ARMC2: variants seen among roughly 807,000 people sequenced by gnomAD.
The protein encoded by ARMC2 is armadillo repeat containing 2, also known as armadillo repeat-containing protein 2.
ARMC2 carries 67 observed loss-of-function variants against 90.3 expected under a neutral mutation model. The observed-to-expected ratio is 0.74, with a 90% confidence interval of 0.61 to 0.91. The LOEUF (loss-of-function observed/expected upper bound fraction) is 0.91. Ranked by LOEUF, ARMC2 falls within the 40% of genes least tolerant of loss-of-function variation. The pLI is 0.00. For missense variants in ARMC2, 920 were observed against 1,030.9 expected (o/e 0.89, Z 1.47); for synonymous variants, 393 against 393.0 (o/e 1.00, Z 0.00).
At chr6:108,864,429 A>G (rs1006837594) in intron 3 of ARMC2, among the ~76,000 whole-genome samples, 4 of 151,860 alleles carry the variant, frequency 2.6e-5, no homozygotes, top group Non-Finnish European at 4.4e-5. Flanking sequence ...TTATATTTTT[A>G]GTAGAGACGG....
chr6:108,931,041 AAG>A (rs1245697371), intron 11 of ARMC2, among the ~76,000 whole-genome samples: 2 of 151,522 alleles, frequency 1.3e-5, no homozygotes, highest in Non-Finnish European at 2.9e-5. Context: ...CAATAGTCAA[AAG>A]AGTTATCTTT....
chr6:108,995,023 A>G, the ARMC2 span, among the ~76,000 whole-genome samples: 4 of 152,186 alleles, frequency 2.6e-5, no homozygotes, highest in African/African-American at 9.7e-5. Flanking sequence ...ATCTTAGTAG[A>G]ATATAGGGAA....
In ARMC2 at chr6:108,894,487, C is replaced by T. The variant is rs200206972; in HGVS notation, c.692C>T (p.Ala231Val). 208 of 1,611,170 alleles carry T rather than the reference C, an allele frequency of 1.3e-4. 2 individuals are homozygous for T. The East Asian group carries it at 4.0e-3, about 31-fold the overall frequency. ...CCTAGGGACCAGGGGAAGAGACATG[C>T]GAGGGCCTCATCATGCCCCAGTAGC... ...KNGGDQGKRH[A>V]RASSCPSSSD... Residue 231 changes from alanine (A) to valine (V), a missense_variant, in exon 6 of 18, where the codon GCG (alanine) becomes GTG (valine). Physicochemically the swap from Ala to Val is moderately conservative, Grantham distance 64. Coordinates refer to ENST00000392644, the MANE Select transcript of ARMC2 (RefSeq NM_032131.6).
At chr6:108,864,744 G>A (rs1454510569) in intron 3 of ARMC2, among the ~76,000 whole-genome samples, 2 of 152,158 alleles carry the variant, frequency 1.3e-5, no homozygotes, top group Non-Finnish European at 2.9e-5. Context: ...AAGAGCCAGG[G>A]CAGAAATTGG....
chr6:109,008,908 A>G, the ARMC2 span: 1 of 987,236 alleles, frequency 1.0e-6, no homozygotes, highest in Non-Finnish European at 1.2e-6. Flanking sequence ...TTTAAGTAGG[A>G]GGCAAAGGGG....
chr6:108,965,708 G>A (rs373973659), intron 17 of ARMC2, among the ~76,000 whole-genome samples: 2 of 152,084 alleles, frequency 1.3e-5, no homozygotes, highest in East Asian at 1.9e-4. Context: ...ACAGTGGTGC[G>A]ATCACTGCTC....
rs575228434 is a variant in ARMC2, at chr6:108,944,382, G to A, written c.1596+7383G>A. On this transcript the variant is annotated intron_variant, in intron 12 of 17. Coordinates refer to ENST00000392644, the MANE Select transcript of ARMC2 (RefSeq NM_032131.6). The stretch of plus-strand genomic sequence containing the variant: ...TCCACAAATTTTCGCTGCCAGACTT[G>A]TGTCAAAATAAGTCCTGGGACCAAA... Among the ~76,000 whole-genome samples, 6 of 152,312 alleles carry A rather than the reference G, an allele frequency of 3.9e-5. No individual in the cohort carries two copies. In the South Asian group the frequency reaches 1.0e-3, roughly 26 times the overall value.
intron 3 of ARMC2, among the ~76,000 whole-genome samples, chr6:108,864,231 T>C (rs1223011771): frequency 6.8e-6 from 1 of 147,754 alleles, no homozygotes. Flanking sequence ...GGTTCTGTGC[T>C]TGTGTGATTT....
At chr6:109,039,266 T>C in the ARMC2 span, among the ~76,000 whole-genome samples, 1 of 152,198 alleles carries the variant, frequency 6.6e-6, no homozygotes, top group Non-Finnish European at 1.5e-5. Context: ...TTTTGCCTAC[T>C]TCACAAATTT....
At chr6:109,043,562 T>C in the ARMC2 span, among the ~76,000 whole-genome samples, 5 of 152,160 alleles carry the variant, frequency 3.3e-5, no homozygotes, top group Non-Finnish European at 5.9e-5. Context: ...AGTGAATTGC[T>C]TTTCTATAGA....
intron 9 of ARMC2, among the ~76,000 whole-genome samples, chr6:108,911,390 A>G (rs1773409184): frequency 6.6e-6 from 1 of 152,186 alleles, no homozygotes; most frequent in Admixed American, 6.5e-5. Flanking sequence ...TGTTATAGAA[A>G]CCTGACATCA....
downstream of ARMC2, among the ~76,000 whole-genome samples, chr6:108,978,482 G>C (rs1052577206): frequency 2.0e-5 from 3 of 152,182 alleles, no homozygotes; most frequent in African/African-American, 4.8e-5. Flanking sequence ...TTGATTTGGG[G>C]TGGAGAGTTC....
intron 17 of ARMC2, among the ~76,000 whole-genome samples, chr6:108,971,690 G>C (rs1345927182): frequency 6.6e-6 from 1 of 152,148 alleles, no homozygotes; most frequent in Non-Finnish European, 1.5e-5. Flanking sequence ...GGGAGGCCAA[G>C]GCAGGCGGAT....
At chr6:108,932,391 T>C (rs979925866) in intron 11 of ARMC2, among the ~76,000 whole-genome samples, 11 of 151,754 alleles carry the variant, frequency 7.2e-5, no homozygotes, top group African/African-American at 2.7e-4. Context: ...TAGTCTTTAA[T>C]CCATCATCCA....
chr6:108,885,744 G>A (rs948465714), intron 5 of ARMC2, among the ~76,000 whole-genome samples: 2 of 152,132 alleles, frequency 1.3e-5, no homozygotes, highest in Non-Finnish European at 2.9e-5. Flanking sequence ...TAGTGCTTTA[G>A]GCTATGAAAC....
intron 6 of ARMC2, among the ~76,000 whole-genome samples, chr6:108,897,607 A>C (rs1771726562): frequency 6.6e-6 from 1 of 152,056 alleles, no homozygotes; most frequent in Non-Finnish European, 1.5e-5. Flanking sequence ...ACTTGCTGCA[A>C]CTGGGAGTGG....
chr6:108,926,782 G>C (rs541462088), intron 10 of ARMC2, among the ~76,000 whole-genome samples: 112 of 152,138 alleles, frequency 7.4e-4, no homozygotes, highest in African/African-American at 2.6e-3. Context: ...ACATTGTTTA[G>C]ATCTATGGAG....
intron 12 of ARMC2, among the ~76,000 whole-genome samples, chr6:108,937,796 G>C (rs1410836521): frequency 6.6e-6 from 1 of 152,068 alleles, no homozygotes; most frequent in Non-Finnish European, 1.5e-5. Context: ...CTGGGTTCAC[G>C]CCATTCTGCC....
the ARMC2 span, among the ~76,000 whole-genome samples, chr6:109,010,952 C>G: frequency 6.6e-6 from 1 of 152,156 alleles, no homozygotes; most frequent in Non-Finnish European, 1.5e-5. Flanking sequence ...GAGTTGGACA[C>G]ATAAATGCAC....
Sources: gnomAD v4.1 joint callset for allele counts (sites outside exome capture counted in the v4.1 genomes callset) on GRCh38, gnomAD v4.1.1 for gene constraint, MANE v1.5 for transcripts, NCBI Gene and HGNC (gene_info 2026-07-23, HGNC 2026-07-21) for gene names.